ZBTB7C: variants seen among roughly 807,000 people sequenced by gnomAD.
ZBTB7C encodes zinc finger and BTB domain-containing protein 7C.
Under a neutral mutation model 25.7 loss-of-function variants are expected in ZBTB7C, and 8 were observed. The ratio of observed to expected loss-of-function variants is 0.31; its 90% CI spans 0.18 to 0.56. The LOEUF is 0.56. ZBTB7C is among the 20% of genes least tolerant of loss of function. ZBTB7C has a pLI of 0.91. For synonymous variants in ZBTB7C, 394 were observed against 369.0 expected, an observed-to-expected ratio of 1.07 and a Z score of -0.78; for missense variants, 824 against 855.2, an observed-to-expected ratio of 0.96 and a Z score of 0.46.
intron 3 of ZBTB7C, chr18:48,170,013 C>T (rs2041413947): frequency 6.6e-6 from 1 of 152,152 alleles, no homozygotes; most frequent in Non-Finnish European, 1.5e-5. Context: ...CCTGACCTAA[C>T]AGAAACACAA....
At chr18:48,033,844 T>C (rs1598745135) in intron 4 of ZBTB7C, among the ~76,000 whole-genome samples, 1 of 152,062 alleles carries the variant, frequency 6.6e-6, no homozygotes, top group Non-Finnish European at 1.5e-5. Context: ...GAGCTGGAGG[T>C]GGTGCCGGGC....
chr18:48,151,145 T>C lies in ZBTB7C; in HGVS notation c.-17+34789A>G, dbSNP rs541519671. On this transcript the variant is annotated intron_variant, in intron 3 of 4. Transcript: ENST00000590800. The stretch of plus-strand genomic sequence containing the variant: ...TCAGTGCCCTCCTTCAGGTGTGTTG[T>C]GGCTGGAGGATGGGAGCAGGAGGAG... Among the ~76,000 whole-genome samples, 34 of 152,300 alleles carry C rather than the reference T, an allele frequency of 2.2e-4. 2 individuals are homozygous for C. In the South Asian group the frequency reaches 7.0e-3, roughly 32 times the overall value.
At chr18:48,079,489 C>A (rs975798929) in intron 3 of ZBTB7C, among the ~76,000 whole-genome samples, 8 of 152,214 alleles carry the variant, frequency 5.3e-5, no homozygotes, top group Non-Finnish European at 1.0e-4. Context: ...GGGTCCACCT[C>A]ATTGGAGGGG....
chr18:48,233,946 T>A (rs117276877), intron 2 of ZBTB7C, among the ~76,000 whole-genome samples: 1,691 of 152,250 alleles, frequency 0.011, 12 homozygotes, highest in Middle Eastern at 0.034. Flanking sequence ...GTCAGTTCCA[T>A]CCACATCAGT....
chr18:48,078,863 T>C (rs971988520), intron 3 of ZBTB7C, among the ~76,000 whole-genome samples: 1 of 152,246 alleles, frequency 6.6e-6, no homozygotes, highest in African/African-American at 2.4e-5. Context: ...ATCCATGTTG[T>C]AGCATGTATT....
At chr18:48,133,667 GCA>G (rs1331669251) in intron 3 of ZBTB7C, among the ~76,000 whole-genome samples, 2 of 145,266 alleles carry the variant, frequency 1.4e-5, no homozygotes, top group African/African-American at 5.1e-5. Flanking sequence ...AAATTAACAA[GCA>G]CACACACACA....
At chr18:48,273,994 T>C (rs1362489990) in intron 2 of ZBTB7C, among the ~76,000 whole-genome samples, 3 of 152,332 alleles carry the variant, frequency 2.0e-5, no homozygotes, top group East Asian at 1.9e-4. Context: ...GAAACTCACA[T>C]TGTAATACGA....
At chr18:48,072,471 C>T (rs1051552269) in intron 3 of ZBTB7C, 4 of 152,340 alleles carry the variant, frequency 2.6e-5, no homozygotes, top group South Asian at 2.1e-4. Flanking sequence ...TTTCCCAGGT[C>T]GATCTGCAGC....
rs76362014 is a variant in ZBTB7C, at chr18:48,354,042, C to T, written c.-303-15644G>A. ...AATACACTCAATTGGTAGCAGAAAT[C>T]GGCCTCCAGTTTCTCAGATCCTCAT... On this transcript the variant is annotated intron_variant, in intron 1 of 4. Transcript: ENST00000590800. 6.9e-3 allele frequency among the ~76,000 whole-genome samples: 1,045 copies of T among 152,304 alleles called. 6 individuals are homozygous for T. The highest frequency in any genetic ancestry group is 0.028 in the East Asian group (145 of 5,186).
chr18:48,213,585 T>C (rs1423743051), intron 2 of ZBTB7C, among the ~76,000 whole-genome samples: 2 of 152,200 alleles, frequency 1.3e-5, no homozygotes, highest in Non-Finnish European at 2.9e-5. Flanking sequence ...TTGACATAAA[T>C]GAAGCAAACA....
At chr18:48,265,988 G>A (rs1472776948) in intron 2 of ZBTB7C, among the ~76,000 whole-genome samples, 1 of 152,152 alleles carries the variant, frequency 6.6e-6, no homozygotes, top group Admixed American at 6.5e-5. Context: ...TTCTATAGCA[G>A]AATGTTCTCG....
At chr18:48,151,245 C>G (rs1365755919) in intron 3 of ZBTB7C, among the ~76,000 whole-genome samples, 1 of 152,072 alleles carries the variant, frequency 6.6e-6, no homozygotes, top group Non-Finnish European at 1.5e-5. Context: ...AAAATGTCAC[C>G]AGTGGACACG....
At chr18:48,316,356 C>T (rs182354305) in intron 2 of ZBTB7C, among the ~76,000 whole-genome samples, 4 of 152,302 alleles carry the variant, frequency 2.6e-5, no homozygotes, top group South Asian at 2.1e-4. Flanking sequence ...ACCACTCCTC[C>T]TCCACCCCCA....
chr18:48,195,685 T>G (rs1373923398), intron 2 of ZBTB7C, among the ~76,000 whole-genome samples: 1 of 152,198 alleles, frequency 6.6e-6, no homozygotes, highest in African/African-American at 2.4e-5. Flanking sequence ...ATTAAATACA[T>G]TGGCAAAATA....
At chr18:48,179,985 CCCTTCCTT>C (rs748722742) in intron 3 of ZBTB7C, among the ~76,000 whole-genome samples, 2 of 110,582 alleles carry the variant, frequency 1.8e-5, no homozygotes, top group African/African-American at 7.1e-5. Context: ...TTCCCTCCCT[CCCTTCCTT>C]CCTTACAAGG....
At chr18:48,379,510 G>A (rs1022018345) in intron 1 of ZBTB7C, among the ~76,000 whole-genome samples, 3 of 152,112 alleles carry the variant, frequency 2.0e-5, no homozygotes, top group East Asian at 1.9e-4. Flanking sequence ...GTTCTGAAAC[G>A]TCATGATGCT....
intron 3 of ZBTB7C, among the ~76,000 whole-genome samples, chr18:48,096,291 C>T (rs1332001479): frequency 6.6e-6 from 1 of 152,132 alleles, no homozygotes; most frequent in Non-Finnish European, 1.5e-5. Flanking sequence ...CAGGCCTGAT[C>T]CCTTCAAGAC....
At chr18:48,239,161 C>T (rs2043457330) in intron 2 of ZBTB7C, among the ~76,000 whole-genome samples, 1 of 152,134 alleles carries the variant, frequency 6.6e-6, no homozygotes, top group Non-Finnish European at 1.5e-5. Flanking sequence ...GTAGCTGCAG[C>T]AAGCCCCACT....
At chr18:48,172,316 G>A (rs147474423) in intron 3 of ZBTB7C, among the ~76,000 whole-genome samples, 257 of 152,334 alleles carry the variant, frequency 1.7e-3, no homozygotes, top group Non-Finnish European at 2.9e-3. Context: ...ATGATGGCCC[G>A]TCAGGCAGCC....
Sources: gnomAD v4.1 joint callset for allele counts (sites outside exome capture counted in the v4.1 genomes callset) on GRCh38, gnomAD v4.1.1 for gene constraint, MANE v1.5 for transcripts, NCBI Gene and HGNC (gene_info 2026-07-23, HGNC 2026-07-21) for gene names.